The following ALG6 variants were observed in gnomAD, a reference collection of about 807,000 sequenced individuals.
ALG6 encodes ALG6 alpha-1,3-glucosyltransferase.
ALG6 carries 46 observed loss-of-function variants against 66.6 expected under a neutral mutation model. That is an observed-to-expected ratio of 0.69 (90% CI 0.55 to 0.88). The LOEUF (loss-of-function observed/expected upper bound fraction) is 0.88, where lower values mean the gene tolerates loss of function less well. Among genes scored for constraint, ALG6 ranks in the 40% least tolerant of loss-of-function variants. The pLI, the probability that ALG6 is intolerant of heterozygous loss-of-function variation, is 0.00. For missense variants in ALG6, 505 were observed against 586.8 expected, an observed-to-expected ratio of 0.86 and a Z score of 1.44; for synonymous variants, 185 against 203.7, an observed-to-expected ratio of 0.91 and a Z score of 0.78.
Position 63,371,042 on chromosome 1 carries a change from C to T in ALG6, c.65C>T (p.Ser22Phe), listed in dbSNP as rs754929467. Residue 22 changes from serine to phenylalanine, a missense_variant, in exon 2 of 15, where the codon TCT becomes TTT. Physicochemically the swap from Ser to Phe is radical, Grantham distance 155. Transcript: ENST00000263440. ...LIGLTVRWTVSLNSYSGAGKP... is the reference protein window; with the variant it reads ...LIGLTVRWTVFLNSYSGAGKP... The stretch of plus-strand genomic sequence containing the variant: ...GGACTAACAGTACGATGGACAGTGT[C>T]TCTTAATTCTTATTCAGGTAATACA... 2 of 1,605,234 alleles carry T rather than the reference C, an allele frequency of 1.2e-6. No homozygotes were observed. Among genetic ancestry groups the T allele is most frequent in the South Asian group, 1.1e-5 (1 of 90,838 alleles).
At chr1:63,399,993 G>A (rs1391767473) in intron 3 of ALG6, among the ~76,000 whole-genome samples, 2 of 150,706 alleles carry the variant, frequency 1.3e-5, no homozygotes, top group East Asian at 2.0e-4. Flanking sequence ...TCAGGAGTTC[G>A]AGACCAGCCT....
rs1644514064 is a variant in ALG6, at chr1:63,411,199, G to A, written c.548G>A (p.Cys183Tyr). Residue 183 changes from cysteine to tyrosine, a missense_variant, in exon 8 of 15, where the codon TGT (cysteine) becomes TAT (tyrosine). Physicochemically the swap from Cys to Tyr is radical, Grantham distance 194 (BLOSUM62 -2). Coordinates refer to ENST00000263440, the MANE Select transcript of ALG6 (RefSeq NM_013339.4). ...FALWGVLGIS[C>Y]DCDLLGSLAF... The stretch of plus-strand genomic sequence containing the variant: ...TTGTGGGGTGTTCTTGGAATATCTT[G>A]TGACTGCGACCTCCTAGGGTCACTG... 3 of 1,613,820 alleles carry A rather than the reference G, an allele frequency of 1.9e-6. No individual in the cohort carries two copies. The highest frequency in any genetic ancestry group is 2.5e-6 in the Non-Finnish European group (3 of 1,179,850).
intron 2 of ALG6, 199 bp downstream of exon 2, chr1:63,371,258 A>G (rs746200386): frequency 1.2e-5 from 7 of 567,736 alleles, no homozygotes; most frequent in Non-Finnish European, 2.2e-5. Flanking sequence ...GCGCTTTGTG[A>G]TGTGAGAAAG....
chr1:63,409,746 A>G (rs1570068470), intron 7 of ALG6, among the ~76,000 whole-genome samples: 1 of 152,260 alleles, frequency 6.6e-6, no homozygotes, highest in East Asian at 1.9e-4. Flanking sequence ...AGAATAAGGC[A>G]AGAACACCTG....
At chr1:63,430,875 A>G (rs1261464081) in intron 14 of ALG6, among the ~76,000 whole-genome samples, 1 of 152,158 alleles carries the variant, frequency 6.6e-6, no homozygotes, top group Non-Finnish European at 1.5e-5. Flanking sequence ...TTTGCAGCAG[A>G]AAAGTTTTGA....
At chr1:63,429,384 C>T in intron 14 of ALG6, 1 of 371,402 alleles carries the variant, frequency 2.7e-6, no homozygotes, top group African/African-American at 2.1e-5. Context: ...ATTCTCACTC[C>T]TAACTCCCTT....
chr1:63,401,214 T>C (rs532358818), intron 3 of ALG6, among the ~76,000 whole-genome samples: 16 of 152,318 alleles, frequency 1.1e-4, no homozygotes, highest in African/African-American at 3.8e-4. Context: ...TCCCCATCTC[T>C]TCCATACAAA....
At chr1:63,432,813 C>G (rs183272096) in intron 14 of ALG6, among the ~76,000 whole-genome samples, 1 of 152,182 alleles carries the variant, frequency 6.6e-6, no homozygotes, top group Non-Finnish European at 1.5e-5. Context: ...GTTGCCTAGG[C>G]GGGAGTGCGG....
At chr1:63,402,482 T>TTTA in intron 4 of ALG6, 139 bp downstream of exon 4, 1 of 581,754 alleles carries the variant, frequency 1.7e-6, no homozygotes, top group Non-Finnish European at 3.0e-6. Flanking sequence ...TTTTTTTTTT[T>TTTA]TTGAGATGAA....
chr1:63,436,557 G>A (rs908923301), intron 14 of ALG6, among the ~76,000 whole-genome samples: 2 of 152,122 alleles, frequency 1.3e-5, no homozygotes, highest in African/African-American at 4.8e-5. Context: ...GGGGTCCTCA[G>A]GTTTTGGCTA....
intron 4 of ALG6, 74 bp from the exon 5 acceptor site, chr1:63,404,379 C>A: frequency 2.6e-6 from 3 of 1,172,202 alleles, no homozygotes; most frequent in South Asian, 1.2e-5. Context: ...TTAATACATT[C>A]ATATATCCTT....
At position 63,433,842 on chromosome 1, in the gene ALG6, T is replaced by C. The variant is rs543700735; in HGVS notation, c.1327-2981T>C. Among the ~76,000 whole-genome samples, 2 of 152,260 alleles carry C rather than the reference T, an allele frequency of 1.3e-5. No homozygotes were observed. The highest frequency in any genetic ancestry group is 4.1e-4 in the South Asian group (2 of 4,822). On this transcript the variant is annotated intron_variant, in intron 14 of 14. Transcript: ENST00000263440. This position sits in a 1 kb window ranked among gnomAD's most constrained non-coding sequence, Gnocchi z 4.2. ...CAGCATATGTAAAATATATGGCATG[T>C]CAGAGGGTGATAAGTGCTATGGAGA...
In ALG6 at chr1:63,421,842, A is replaced by C. The variant is rs1644575196; in HGVS notation, c.1058+2402A>C. Reference sequence around the variant, plus strand: ...GAACAATCAGAACACATGGAAACGGAAGGGAACATCACACACTGGCCTGTT... The same window carrying C: ...GAACAATCAGAACACATGGAAACGGCAGGGAACATCACACACTGGCCTGTT... On this transcript the variant is annotated intron_variant, in intron 12 of 14. Transcript: ENST00000263440. 2.1e-5 allele frequency among the ~76,000 whole-genome samples: 3 copies of C among 144,854 alleles called. No homozygotes were observed. The Admixed American group carries it at 2.1e-4, about 10-fold the overall frequency.
rs113481917 is a variant in ALG6 at position 63,413,788 on chromosome 1, G to A, written c.817-273G>A. 0.015 allele frequency: 4,947 copies of A among 333,986 alleles called. 219 individuals are homozygous for A. The highest frequency in any genetic ancestry group is 0.091 in the African/African-American group (4,342 of 47,456). The allele number at this position is 333,986 out of a possible 1,614,324, so 20.7% of individuals were successfully genotyped here. The stretch of plus-strand genomic sequence containing the variant: ...TGAAGGACTTTAGTATTCAGGGATA[G>A]TGCACTGCTCTTTGAAAACTATTAA... On this transcript the variant is annotated intron_variant, in intron 9 of 14. Coordinates refer to ENST00000263440, the MANE Select transcript of ALG6 (RefSeq NM_013339.4).
chr1:63,370,911 G>T lies in ALG6; in HGVS notation c.-67G>T. The stretch of plus-strand genomic sequence containing the variant: ...TCTCTGAACAAGAAAAGAAGTGATT[G>T]ACCACGTTTTAAAAGTACTCTGGCA... On this transcript the variant is annotated 5_prime_UTR_variant, in exon 2 of 15. Coordinates refer to ENST00000263440, the MANE Select transcript of ALG6 (RefSeq NM_013339.4). 1 of 921,726 alleles carries T rather than the reference G, an allele frequency of 1.1e-6. No individual in the cohort carries two copies. The highest frequency in any genetic ancestry group is 1.3e-5 in the South Asian group (1 of 76,810). The allele number at this position is 921,726 out of a possible 1,614,324, so 57.1% of individuals were successfully genotyped here.
chr1:63,422,182 T>G (rs1418169826), intron 12 of ALG6, among the ~76,000 whole-genome samples: 1 of 86,666 alleles, frequency 1.2e-5, no homozygotes. Flanking sequence ...AATTTATATT[T>G]ATATAAATAT....
chr1:63,372,362 GAC>G, intron 2 of ALG6, among the ~76,000 whole-genome samples: 1 of 152,048 alleles, frequency 6.6e-6, no homozygotes, highest in Middle Eastern at 3.4e-3. Context: ...TATATACACA[GAC>G]ACATATATAT....
rs1304712406 is a variant in ALG6, at chr1:63,422,238, T to TATTTATATAGATATATATATTTATATAG, written c.1058+2800_1058+2801insTTATATAGATATATATATTTATATAGAT. 5.4e-5 allele frequency among the ~76,000 whole-genome samples: 4 copies of TATTTATATAGATATATATATTTATATAG among 73,890 alleles called. 1 individual carries two copies. The highest frequency in any genetic ancestry group is 9.4e-5 in the Non-Finnish European group (4 of 42,348). The allele number at this position is 73,890 out of a possible 152,430, so 48.5% of individuals were successfully genotyped here. A position where few individuals can be genotyped will look rare whatever the true frequency, so the allele number is the denominator to read the frequency against. Reference sequence around the variant, plus strand: ...ATATATTTATATAAATATAAATATATATATAAATATATATATTTATATAGA... The same window carrying TATTTATATAGATATATATATTTATATAG: ...ATATATTTATATAAATATAAATATATATTTATATAGATATATATATTTATATAGATATAAATATATATATTTATATAGA... On this transcript the variant is annotated intron_variant, in intron 12 of 14. Transcript: ENST00000263440.
chr1:63,415,783 G>T, intron 10 of ALG6, 90 bp from the exon 11 acceptor site: 2 of 732,394 alleles, frequency 2.7e-6, no homozygotes, highest in Non-Finnish European at 2.3e-6. Context: ...TAAATAATAT[G>T]ATCCTTATAT....
Sources: gnomAD v4.1 joint callset for allele counts (sites outside exome capture counted in the v4.1 genomes callset) on GRCh38, gnomAD v4.1.1 for gene constraint, Gnocchi (gnomAD v3.1) non-coding constraint, MANE v1.5 for transcripts, NCBI Gene and HGNC (gene_info 2026-07-23, HGNC 2026-07-21) for gene names.